SYT2: variants seen among roughly 807,000 people sequenced by gnomAD.
SYT2 encodes synaptotagmin-2.
A neutral mutation model predicts 39.9 loss-of-function variants in SYT2; 15 were observed. The ratio of observed to expected loss-of-function variants is 0.38; its 90% CI spans 0.25 to 0.58. The LOEUF is 0.58. Among genes scored for constraint, SYT2 ranks in the 20% least tolerant of loss-of-function variants. The probability of loss-of-function intolerance (pLI) is 0.70; values close to 1 mark genes in which losing one functional copy is unlikely to be tolerated. For missense variants in SYT2, 389 were observed against 530.3 expected, an observed-to-expected ratio of 0.73 and a Z score of 2.62; for synonymous variants, 181 against 204.5, an observed-to-expected ratio of 0.89 and a Z score of 0.98.
At chr1:202,701,191 T>C (rs943504438) in intron 1 of SYT2, among the ~76,000 whole-genome samples, 1 of 152,262 alleles carries the variant, frequency 6.6e-6, no homozygotes, top group African/African-American at 2.4e-5. Context: ...TGGCCACAAA[T>C]ACTGCCAGTT....
rs1370734014 is a variant in SYT2, at chr1:202,656,124, A to ACGCACACACACACACACACACGTG, written c.-17-50359_-17-50336dup. Among the ~76,000 whole-genome samples, 24 of 142,788 alleles carry ACGCACACACACACACACACACGTG rather than the reference A, an allele frequency of 1.7e-4. 1 individual carries two copies. Among genetic ancestry groups the ACGCACACACACACACACACACGTG allele is most frequent in the Non-Finnish European group, 1.5e-5 (1 of 65,548 alleles). The allele number at this position is 142,788 out of a possible 152,430, so 93.7% of individuals were successfully genotyped here. On this transcript the variant is annotated intron_variant, in intron 1 of 8. Transcript: ENST00000367268. ...GCACTGGGGGAAAGCGGGCTTTGGAACGCACACACACACACACACACGTGC... is the reference window on the plus strand; with the variant it reads ...GCACTGGGGGAAAGCGGGCTTTGGAACGCACACACACACACACACACGTGCGCACACACACACACACACACGTGC...
intron 8 of SYT2, among the ~76,000 whole-genome samples, chr1:202,598,440 C>T (rs1228176190): frequency 6.6e-6 from 1 of 152,200 alleles, no homozygotes; most frequent in Admixed American, 6.5e-5. Flanking sequence ...TTGAAGTATT[C>T]CATCAATAAC....
At chr1:202,662,313 C>A (rs1053839592) in intron 1 of SYT2, among the ~76,000 whole-genome samples, 1 of 152,242 alleles carries the variant, frequency 6.6e-6, no homozygotes, top group Non-Finnish European at 1.5e-5. Flanking sequence ...CTCACTACTT[C>A]CTAAAGACGC....
rs192832328 is a variant in SYT2 at position 202,708,119 on chromosome 1, T to C, written c.-18+2139A>G. Among the ~76,000 whole-genome samples the C allele has an allele frequency of 2.2e-4, 34 of 152,300 alleles. No homozygotes were observed. In the East Asian group the frequency reaches 6.0e-3, roughly 27 times the overall value. ...TAAATTGAAGCCAGTTGCAAGCTTCTCTAGGTGAAAAGTCAATGTTTACGA... is the reference window on the plus strand; with the variant it reads ...TAAATTGAAGCCAGTTGCAAGCTTCCCTAGGTGAAAAGTCAATGTTTACGA... On this transcript the variant is annotated intron_variant, in intron 1 of 8. Coordinates refer to ENST00000367268, the MANE Select transcript of SYT2 (RefSeq NM_177402.5).
chr1:202,687,161 T>G (rs910639983), intron 1 of SYT2, among the ~76,000 whole-genome samples: 7 of 152,168 alleles, frequency 4.6e-5, no homozygotes, highest in African/African-American at 1.7e-4. Flanking sequence ...AAATGTTTGC[T>G]AAATGAATGG....
chr1:202,694,448 C>T (rs1225079561), intron 1 of SYT2, among the ~76,000 whole-genome samples: 1 of 152,122 alleles, frequency 6.6e-6, no homozygotes. Context: ...TTTTAGTAGG[C>T]GATGCACAGA....
In SYT2 at chr1:202,599,343, C is replaced by G; in HGVS notation, c.928G>C (p.Val310Leu). The G allele has an allele frequency of 6.3e-7, 1 of 1,599,396 alleles. No homozygotes were observed. Among genetic ancestry groups the G allele is most frequent in the Non-Finnish European group, 8.5e-7 (1 of 1,175,232 alleles). The change falls in exon 8 of 9, where the codon GTG becomes CTG. Residue 310 changes from valine (V) to leucine (L), a missense_variant. By Grantham distance (32) the Val-to-Leu change is conservative. This residue lies in a region of SYT2 where 4 missense variants were observed against 24.6 expected (regional missense o/e 0.16). Coordinates refer to ENST00000367268, the MANE Select transcript of SYT2 (RefSeq NM_177402.5). This position sits in a 1 kb window ranked among gnomAD's most constrained non-coding sequence, Gnocchi z 4.4. ...CCATTCTGCATCAGGTGGATCTTCA[C>G]GTACGGGTCTGCGGAGGGAGAATCC... ...MDVGGLSDPY[V>L]KIHLMQNGKR... is the part of the protein sequence containing the mutation.
Position 202,605,577 on chromosome 1 carries a change from G to A in SYT2, c.178+18C>T, listed in dbSNP as rs1271874166. On this transcript the variant is annotated intron_variant, in intron 2 of 8. Coordinates refer to ENST00000367268, the MANE Select transcript of SYT2 (RefSeq NM_177402.5). ...ACTCTAGCCTTGCCCCACCCTCTCA[G>A]CCACCAGAGACACTCACAGGGAATC... is the stretch of plus-strand genomic sequence containing the variant. The A allele has an allele frequency of 1.9e-6, 3 of 1,609,064 alleles. No homozygotes were observed. Among genetic ancestry groups the A allele is most frequent in the South Asian group, 1.1e-5 (1 of 90,886 alleles).
intron 1 of SYT2, among the ~76,000 whole-genome samples, chr1:202,688,862 G>T (rs1380532121): frequency 1.3e-5 from 2 of 152,158 alleles, no homozygotes; most frequent in Non-Finnish European, 2.9e-5. Flanking sequence ...TCCCCGGGTG[G>T]CCTCCTCACC....
intron 1 of SYT2, among the ~76,000 whole-genome samples, chr1:202,689,322 G>T (rs1653760879): frequency 6.6e-6 from 1 of 152,176 alleles, no homozygotes; most frequent in South Asian, 2.1e-4. Flanking sequence ...TACACACACA[G>T]ATATTCCCAT....
At position 202,628,761 on chromosome 1, in the gene SYT2, A is replaced by T. The variant is rs1691488797; in HGVS notation, c.-17-22972T>A. On this transcript the variant is annotated intron_variant, in intron 1 of 8. Transcript: ENST00000367268. The surrounding 1 kb of genome is among the most constrained non-coding windows in gnomAD (Gnocchi z 4.2). ...AGCCTCAACTTGGAATTCTATGTGG[A>T]TCCAAACCTAGAAGACAGCTCCGCT... 6.6e-6 allele frequency among the ~76,000 whole-genome samples: 1 copy of T among 152,214 alleles called. No individual in the cohort carries two copies. Among genetic ancestry groups the T allele is most frequent in the Non-Finnish European group, 1.5e-5 (1 of 68,046 alleles).
At chr1:202,669,929 C>T (rs566932424) in intron 1 of SYT2, among the ~76,000 whole-genome samples, 1 of 152,258 alleles carries the variant, frequency 6.6e-6, no homozygotes, top group South Asian at 2.1e-4. Context: ...GACAGCTTAT[C>T]CTCATTGGTG....
intron 1 of SYT2, among the ~76,000 whole-genome samples, chr1:202,640,450 C>T (rs12737249): frequency 1.3e-5 from 2 of 152,028 alleles, no homozygotes; most frequent in Admixed American, 6.5e-5. Flanking sequence ...TGGGAGTCCC[C>T]CTCCAGGTTG....
chr1:202,625,182 T>C (rs1474179773), intron 1 of SYT2, among the ~76,000 whole-genome samples: 1 of 82,956 alleles, frequency 1.2e-5, no homozygotes, highest in Non-Finnish European at 2.4e-5. Flanking sequence ...GTGTGTCGTG[T>C]GTGTGGCATG....
chr1:202,686,553 G>C (rs1048253084), intron 1 of SYT2, among the ~76,000 whole-genome samples: 1 of 152,118 alleles, frequency 6.6e-6, no homozygotes, highest in South Asian at 2.1e-4. Flanking sequence ...AATGGGGGGT[G>C]GGGGAGCTTC....
chr1:202,639,759 G>C, intron 1 of SYT2: 1 of 985,372 alleles, frequency 1.0e-6, no homozygotes, highest in Admixed American at 6.1e-5. Context: ...GCCCCATGAC[G>C]AAGACTAGAG....
At chr1:202,666,679 C>T (rs1026753180) in intron 1 of SYT2, among the ~76,000 whole-genome samples, 4 of 152,118 alleles carry the variant, frequency 2.6e-5, no homozygotes, top group African/African-American at 9.7e-5. Flanking sequence ...TTATTAAATT[C>T]ACTGTTTGAA....
chr1:202,684,161 C>T (rs1237404409), intron 1 of SYT2, among the ~76,000 whole-genome samples: 1 of 152,060 alleles, frequency 6.6e-6, no homozygotes, highest in East Asian at 1.9e-4. Flanking sequence ...CTACCTGTCC[C>T]CTTCCATAGT....
intron 1 of SYT2, among the ~76,000 whole-genome samples, chr1:202,662,144 T>C (rs1230099464): frequency 3.3e-5 from 5 of 152,086 alleles, no homozygotes; most frequent in Non-Finnish European, 1.5e-5. Flanking sequence ...AGAATAGGAA[T>C]TACCCAAGCA....
Sources: allele counts gnomAD v4.1 joint callset (sites outside exome capture counted in the v4.1 genomes callset), GRCh38; gene constraint gnomAD v4.1.1; regional missense constraint gnomAD v4.1.1; non-coding constraint Gnocchi (gnomAD v3.1); transcripts MANE v1.5; gene names NCBI Gene and HGNC (gene_info 2026-07-23, HGNC 2026-07-21).